The following RBMS3 variants were observed in gnomAD, a reference collection of about 807,000 sequenced individuals.
RBMS3 encodes RNA-binding motif, single-stranded-interacting protein 3.
In RBMS3, 27 loss-of-function variants were observed where a neutral mutation model predicts 66.8. That is an observed-to-expected ratio of 0.40 (90% CI 0.30 to 0.56). The LOEUF (loss-of-function observed/expected upper bound fraction) is 0.56. RBMS3 is among the 20% of genes least tolerant of loss of function. RBMS3 has a pLI of 0.40. For synonymous variants in RBMS3, 188 were observed against 183.0 expected (o/e 1.03, Z -0.22); for missense variants, 513 against 549.5 (o/e 0.93, Z 0.66).
intron 3 of RBMS3, among the ~76,000 whole-genome samples, chr3:29,555,933 A>T (rs142585468): frequency 6.6e-6 from 1 of 152,356 alleles, no homozygotes; most frequent in African/African-American, 2.4e-5. Context: ...CTTATATATT[A>T]CCTGCTACGG....
chr3:29,826,457 T>C (rs961560005), intron 6 of RBMS3, among the ~76,000 whole-genome samples: 1 of 152,216 alleles, frequency 6.6e-6, no homozygotes, highest in Non-Finnish European at 1.5e-5. Flanking sequence ...ATTTAACGTA[T>C]AACTCTTGTG....
At chr3:29,574,066 A>G (rs1018945583) in intron 3 of RBMS3, among the ~76,000 whole-genome samples, 2 of 152,160 alleles carry the variant, frequency 1.3e-5, no homozygotes, top group Non-Finnish European at 2.9e-5. Flanking sequence ...GTAAATATCT[A>G]TTAGGTCCAT....
At chr3:29,681,399 C>T (rs566335722) in intron 4 of RBMS3, among the ~76,000 whole-genome samples, 39 of 152,108 alleles carry the variant, frequency 2.6e-4, no homozygotes, top group African/African-American at 5.3e-4. Context: ...AGGTTTGTTA[C>T]GTAGGTAAAT....
At chr3:29,920,582 A>G (rs1418666171) in intron 10 of RBMS3, among the ~76,000 whole-genome samples, 1 of 152,072 alleles carries the variant, frequency 6.6e-6, no homozygotes, top group South Asian at 2.1e-4. Context: ...ATCATTTCAT[A>G]TTTGGATATA....
chr3:29,289,544 G>T (rs1022158645), intron 1 of RBMS3, among the ~76,000 whole-genome samples: 1 of 151,732 alleles, frequency 6.6e-6, no homozygotes, highest in Non-Finnish European at 1.5e-5. Context: ...AAAGCATAAA[G>T]AATCCAAATA....
At chr3:29,779,289 A>G (rs2056537012) in intron 6 of RBMS3, among the ~76,000 whole-genome samples, 1 of 149,974 alleles carries the variant, frequency 6.7e-6, no homozygotes, top group South Asian at 2.1e-4. Context: ...GTGTGTATAT[A>G]TATGTAAACA....
chr3:29,694,865 A>ATTT (rs1243594580), intron 4 of RBMS3, among the ~76,000 whole-genome samples: 35 of 134,648 alleles, frequency 2.6e-4, no homozygotes, highest in African/African-American at 1.2e-3. Context: ...TTTTTTTAAA[A>ATTT]AAAAAATACA....
chr3:29,566,713 A>G (rs1438761173), intron 3 of RBMS3, among the ~76,000 whole-genome samples: 1 of 151,900 alleles, frequency 6.6e-6, no homozygotes, highest in Non-Finnish European at 1.5e-5. Context: ...AGAAAATGCC[A>G]AATTCATCTG....
intron 6 of RBMS3, among the ~76,000 whole-genome samples, chr3:29,854,174 G>A (rs2059014673): frequency 6.6e-6 from 1 of 152,160 alleles, no homozygotes; most frequent in Non-Finnish European, 1.5e-5. Context: ...GCTCCAGGCT[G>A]AGAAGGGCGT....
chr3:29,931,032 C>T (rs1271943744), intron 10 of RBMS3, among the ~76,000 whole-genome samples: 2 of 152,132 alleles, frequency 1.3e-5, no homozygotes, highest in Admixed American at 1.3e-4. Flanking sequence ...TTATATACCT[C>T]ACACTATAAA....
intron 4 of RBMS3, among the ~76,000 whole-genome samples, chr3:29,649,677 G>A (rs1197396173): frequency 6.6e-6 from 1 of 152,174 alleles, no homozygotes; most frequent in Admixed American, 6.5e-5. Context: ...TCAAGTAACT[G>A]GAGAAGTTGG....
rs76097087 is a variant in RBMS3, at chr3:29,338,855, C to T, written c.75+57099C>T. On this transcript the variant is annotated intron_variant, in intron 1 of 14. Coordinates refer to ENST00000383767, the MANE Select transcript of RBMS3 (RefSeq NM_001003793.3). ...CAGCTATTACTCCAGACTTCTGATA[C>T]GGTTTAGAACAAATTTTGTCACCAT... Among the ~76,000 whole-genome samples the T allele has an allele frequency of 2.6e-3, 398 of 152,188 alleles. 1 individual carries two copies. The highest frequency in any genetic ancestry group is 9.1e-3 in the African/African-American group (376 of 41,528).
intron 8 of RBMS3, among the ~76,000 whole-genome samples, chr3:29,887,469 A>G (rs2059899493): frequency 6.6e-6 from 1 of 151,686 alleles, no homozygotes. Context: ...TTTGCTTGGC[A>G]CTGATTCCTT....
At chr3:29,516,065 C>T (rs1235510322) in intron 3 of RBMS3, among the ~76,000 whole-genome samples, 1 of 151,930 alleles carries the variant, frequency 6.6e-6, no homozygotes, top group Admixed American at 6.6e-5. Context: ...AAAGTGGGGA[C>T]AGGATTTAGG....
chr3:29,965,499 CAT>C (rs1309597158), intron 12 of RBMS3, among the ~76,000 whole-genome samples: 5 of 152,046 alleles, frequency 3.3e-5, no homozygotes, highest in South Asian at 2.1e-4. Context: ...CATTTTTTCA[CAT>C]GTTTGTTGGC....
intron 3 of RBMS3, among the ~76,000 whole-genome samples, chr3:29,494,659 CAG>C (rs2043672567): frequency 1.3e-5 from 2 of 152,270 alleles, no homozygotes; most frequent in South Asian, 4.1e-4. Flanking sequence ...CCTTCTGGAT[CAG>C]TGTATTTGCT....
chr3:29,567,077 C>T (rs2046770721), intron 3 of RBMS3, among the ~76,000 whole-genome samples: 1 of 152,038 alleles, frequency 6.6e-6, no homozygotes, highest in Non-Finnish European at 1.5e-5. Context: ...ACATAGAGCC[C>T]TCAGTGAATG....
rs528905878 is a variant in RBMS3, at chr3:29,959,323, C to A, written c.1098+15069C>A. ...TGTTCAATTTTTTAAAGCAATAGTT[C>A]TCAAACTGTGATCCCAGTCTAGCAG... On this transcript the variant is annotated intron_variant, in intron 12 of 14. Coordinates refer to ENST00000383767, the MANE Select transcript of RBMS3 (RefSeq NM_001003793.3). Among the ~76,000 whole-genome samples, 15 of 152,290 alleles carry A rather than the reference C, an allele frequency of 9.8e-5. No individual in the cohort carries two copies. The East Asian group carries it at 2.9e-3, about 29-fold the overall frequency.
intron 4 of RBMS3, among the ~76,000 whole-genome samples, chr3:29,720,696 C>CTGTGTGTGTGTG (rs201802434): frequency 0.043 from 6,365 of 147,512 alleles, 157 homozygotes; most frequent in African/African-American, 0.047. Flanking sequence ...CTGTAAGAAT[C>CTGTGTGTGTGTG]TGTGTGTGTG....
Sources: gnomAD v4.1 joint callset for allele counts (sites outside exome capture counted in the v4.1 genomes callset) on GRCh38, gnomAD v4.1.1 for gene constraint, MANE v1.5 for transcripts, NCBI Gene and HGNC (gene_info 2026-07-23, HGNC 2026-07-21) for gene names.